Variants in GLIS3 observed in about 807,000 individuals in gnomAD.
The protein encoded by GLIS3 is zinc finger protein GLIS3.
A neutral mutation model predicts 78.6 loss-of-function variants in GLIS3; 53 were observed. That is an observed-to-expected ratio of 0.67 (90% CI 0.54 to 0.85). The LOEUF (loss-of-function observed/expected upper bound fraction) is 0.85, where lower values mean the gene tolerates loss of function less well. Among genes scored for constraint, GLIS3 ranks in the 40% least tolerant of loss-of-function variants. The pLI is 0.00. For missense variants in GLIS3, 1,703 were observed against 1,231.1 expected (o/e 1.38, Z -5.74); for synonymous variants, 684 against 509.9 (o/e 1.34, Z -4.60).
chr9:4,240,194 G>T (rs1240669974), intron 2 of GLIS3, among the ~76,000 whole-genome samples: 5 of 20,286 alleles, frequency 2.5e-4, no homozygotes, highest in Admixed American at 4.9e-4. Context: ...TGTGGGGGAG[G>T]TGGGGGGGGG....
chr9:3,824,875 A>G lies in GLIS3; in HGVS notation c.*3397T>C, dbSNP rs866745569. ...ACAAAATAAATCTCTTTTTACACTC[A>G]CTATTTCTCCAATGAGTGCTTTTTT... On this transcript the variant is annotated 3_prime_UTR_variant, in exon 11 of 11. Coordinates refer to ENST00000381971, the MANE Select transcript of GLIS3 (RefSeq NM_001042413.2). The G allele has an allele frequency of 6.8e-6, 1 of 148,108 alleles. No individual in the cohort carries two copies. The highest frequency in any genetic ancestry group is 1.5e-5 in the Non-Finnish European group (1 of 67,378). The allele number at this position is 148,108 out of a possible 1,614,324, so 9.2% of individuals were successfully genotyped here. A position where few individuals can be genotyped will look rare whatever the true frequency, so the allele number is the denominator to read the frequency against.
At chr9:3,842,929 G>C (rs1818811216) in intron 9 of GLIS3, among the ~76,000 whole-genome samples, 1 of 152,158 alleles carries the variant, frequency 6.6e-6, no homozygotes, top group Non-Finnish European at 1.5e-5. Flanking sequence ...CTTTCTGCTG[G>C]TAGATGGGGC....
chr9:4,106,601 T>G lies in GLIS3; in HGVS notation c.1710+11167A>C, dbSNP rs1424291565. On this transcript the variant is annotated intron_variant, in intron 4 of 10. Coordinates refer to ENST00000381971, the MANE Select transcript of GLIS3 (RefSeq NM_001042413.2). ...TAGAGGCACATTGTCATTTTTTCCT[T>G]GAGTGTGTGCCAGTTCATGACCAAA... 4.1e-4 allele frequency among the ~76,000 whole-genome samples: 63 copies of G among 152,192 alleles called. 1 individual carries two copies. The highest frequency in any genetic ancestry group is 4.1e-3 in the Admixed American group (63 of 15,276).
intron 2 of GLIS3, among the ~76,000 whole-genome samples, chr9:4,334,344 C>T (rs142585480): frequency 5.3e-4 from 81 of 152,256 alleles, no homozygotes; most frequent in Middle Eastern, 3.4e-3. Flanking sequence ...ACAATTAAAA[C>T]GTGGCAGCTA....
At chr9:4,191,908 G>A (rs1239640612) in intron 2 of GLIS3, among the ~76,000 whole-genome samples, 1 of 152,032 alleles carries the variant, frequency 6.6e-6, no homozygotes, top group African/African-American at 2.4e-5. Context: ...TCTAAAGCAA[G>A]AGAAACAAAT....
chr9:3,937,060 G>T lies in GLIS3; in HGVS notation c.1840C>A (p.Arg614Ser). 6.2e-7 allele frequency: 1 copy of T among 1,613,394 alleles called. No individual in the cohort carries two copies. Among genetic ancestry groups the T allele is most frequent in the Non-Finnish European group, 8.5e-7 (1 of 1,180,018 alleles). The change falls in exon 5 of 11, where the codon CGC becomes AGC. Residue 614 changes from arginine (R) to serine (S), a missense_variant. Physicochemically the swap from Arg to Ser is moderately radical, Grantham distance 110 (BLOSUM62 -1). Coordinates refer to ENST00000381971, the MANE Select transcript of GLIS3 (RefSeq NM_001042413.2). ...CQKAFSNSSD[R>S]AKHQRTHLDT... ...AGATGCGTCCGCTGGTGTTTGGCGC[G>T]GTCACTGGAGTTACTGAAGGCCTTC...
rs750555000 is a variant in GLIS3, at chr9:4,285,960, G to C, written c.388+78C>G. The C allele has an allele frequency of 1.6e-5, 25 of 1,525,166 alleles. No homozygotes were observed. In the Admixed American group the frequency reaches 2.0e-4, roughly 12 times the overall value. 94.5% of individuals were successfully genotyped at this position (1,525,166 alleles called of 1,614,324 possible). A position where few individuals can be genotyped will look rare whatever the true frequency, so the allele number is the denominator to read the frequency against. On this transcript the variant is annotated intron_variant, in intron 2 of 10. Transcript: ENST00000381971. ...ACACTGAATCATGTATTTTTCCATA[G>C]GATTTGCTGGCAGAAAATGGGATGG... is the stretch of plus-strand genomic sequence containing the variant.
At chr9:4,297,013 C>G (rs568057452) in intron 1 of GLIS3, among the ~76,000 whole-genome samples, 5 of 151,614 alleles carry the variant, frequency 3.3e-5, no homozygotes, top group African/African-American at 1.2e-4. Context: ...TTTCTGCAAA[C>G]CTTTACAGGT....
chr9:4,414,721 G>T, the GLIS3 span, among the ~76,000 whole-genome samples: 15 of 151,842 alleles, frequency 9.9e-5, no homozygotes, highest in Non-Finnish European at 1.5e-5. Context: ...TCCAGTCTTA[G>T]CAAGAACCCT....
intron 9 of GLIS3, among the ~76,000 whole-genome samples, chr9:3,851,203 C>T (rs1273821922): frequency 6.6e-6 from 1 of 152,128 alleles, no homozygotes; most frequent in African/African-American, 2.4e-5. Context: ...AGTCCAGTAA[C>T]AAAATGTACA....
chr9:4,043,940 G>T (rs1317876889), intron 4 of GLIS3, among the ~76,000 whole-genome samples: 6 of 152,212 alleles, frequency 3.9e-5, no homozygotes, highest in African/African-American at 7.2e-5. Flanking sequence ...GACACCTGCA[G>T]CACTGGCCAG....
chr9:3,967,874 A>C (rs1164128206), intron 4 of GLIS3, among the ~76,000 whole-genome samples: 3 of 152,224 alleles, frequency 2.0e-5, no homozygotes, highest in African/African-American at 7.2e-5. Context: ...TATTATTTTA[A>C]GGGGGAGAGT....
chr9:4,175,340 T>C (rs1221477370), intron 2 of GLIS3, among the ~76,000 whole-genome samples: 1 of 152,038 alleles, frequency 6.6e-6, no homozygotes, highest in Non-Finnish European at 1.5e-5. Context: ...CTTTAGGGAG[T>C]TGGGCACTGG....
intron 2 of GLIS3, among the ~76,000 whole-genome samples, chr9:4,346,470 A>G (rs1410450010): frequency 6.6e-6 from 1 of 152,230 alleles, no homozygotes; most frequent in Non-Finnish European, 1.5e-5. Flanking sequence ...GAAGAATAAA[A>G]AATACATTAA....
chr9:4,046,800 G>A (rs1370252744), intron 4 of GLIS3, among the ~76,000 whole-genome samples: 1 of 152,182 alleles, frequency 6.6e-6, no homozygotes, highest in African/African-American at 2.4e-5. Flanking sequence ...TGGCAAGTAT[G>A]GGTTGAGAGA....
At chr9:4,392,059 T>C in the GLIS3 span, among the ~76,000 whole-genome samples, 1 of 152,200 alleles carries the variant, frequency 6.6e-6, no homozygotes, top group Non-Finnish European at 1.5e-5. Context: ...CACCATGGAA[T>C]ACTATACAGC....
the GLIS3 span, among the ~76,000 whole-genome samples, chr9:4,450,286 G>A: frequency 6.6e-6 from 1 of 151,998 alleles, no homozygotes; most frequent in African/African-American, 2.4e-5. Context: ...AGTGAGAGGA[G>A]AAGTTTAGAG....
the GLIS3 span, among the ~76,000 whole-genome samples, chr9:4,468,724 T>C: frequency 2.0e-4 from 30 of 152,270 alleles, no homozygotes; most frequent in African/African-American, 7.0e-4. Context: ...AGAAACTGCA[T>C]CAAATAATGA....
At chr9:4,460,467 G>T in the GLIS3 span, among the ~76,000 whole-genome samples, 1 of 152,162 alleles carries the variant, frequency 6.6e-6, no homozygotes, top group African/African-American at 2.4e-5. Flanking sequence ...TGCTTCTCCA[G>T]CCACATTCCT....
Sources: allele counts gnomAD v4.1 joint callset (sites outside exome capture counted in the v4.1 genomes callset), GRCh38; gene constraint gnomAD v4.1.1; transcripts MANE v1.5; gene names NCBI Gene and HGNC (gene_info 2026-07-23, HGNC 2026-07-21).